The following CSMD1 variants were observed in gnomAD, a reference collection of about 807,000 sequenced individuals.
The protein encoded by CSMD1 is CUB and Sushi multiple domains 1.
In CSMD1, 213 loss-of-function variants were observed where a neutral mutation model predicts 417.5. That is an observed-to-expected ratio of 0.51 (90% CI 0.46 to 0.57). CSMD1 has a LOEUF of 0.57. CSMD1 is among the 20% of genes least tolerant of loss of function. The pLI, the probability that CSMD1 is intolerant of heterozygous loss-of-function variation, is 0.00. For synonymous variants in CSMD1, 2,862 were observed against 1,736.8 expected (o/e 1.65, Z -16.11); for missense variants, 6,923 against 4,529.7 (o/e 1.53, Z -15.17).
intron 1 of CSMD1, among the ~76,000 whole-genome samples, chr8:4,680,793 T>C (rs185302094): frequency 6.6e-6 from 1 of 152,076 alleles, no homozygotes; most frequent in South Asian, 2.1e-4. Flanking sequence ...TTGGCCAGGA[T>C]GGTCTTGATC....
rs377203535 is a variant in CSMD1 at position 4,196,278 on chromosome 8, T to C, written c.416-164179A>G. Among the ~76,000 whole-genome samples the C allele has an allele frequency of 7.2e-5, 11 of 152,270 alleles. No homozygotes were observed. The East Asian group carries it at 1.5e-3, about 21-fold the overall frequency. On this transcript the variant is annotated intron_variant, in intron 3 of 69. Transcript: ENST00000635120. ...GTGTCAAGCCACTCTTTTGTGGTCATTGAGTTTACAGAGCGCTCATTTGTT... is the reference window on the plus strand; with the variant it reads ...GTGTCAAGCCACTCTTTTGTGGTCACTGAGTTTACAGAGCGCTCATTTGTT...
intron 3 of CSMD1, among the ~76,000 whole-genome samples, chr8:4,229,505 A>G (rs373087702): frequency 3.9e-5 from 6 of 152,320 alleles, no homozygotes; most frequent in African/African-American, 9.6e-5. Context: ...TTGTCTTCAT[A>G]TAATTCTACT....
chr8:3,679,855 C>G (rs187637505), intron 7 of CSMD1, among the ~76,000 whole-genome samples: 1 of 152,302 alleles, frequency 6.6e-6, no homozygotes, highest in Non-Finnish European at 1.5e-5. Flanking sequence ...ACAGTGCAAT[C>G]AAACAAGAAC....
chr8:3,880,303 T>G (rs990785632), intron 5 of CSMD1, among the ~76,000 whole-genome samples: 1 of 152,192 alleles, frequency 6.6e-6, no homozygotes, highest in African/African-American at 2.4e-5. Flanking sequence ...TTAGATTACA[T>G]TTTTCAAAAA....
chr8:4,357,321 C>G lies in CSMD1; in HGVS notation c.415+62632G>C, dbSNP rs555007817. Among the ~76,000 whole-genome samples, 148 of 152,336 alleles carry G rather than the reference C, an allele frequency of 9.7e-4. 1 individual carries two copies. In the South Asian group the frequency reaches 0.012, roughly 12 times the overall value. ...GCTTTCTCACATTTCCTCCTGATAT[C>G]ATGCCTGTTGCGTAAGCTATTCACA... On this transcript the variant is annotated intron_variant, in intron 3 of 69. Coordinates refer to ENST00000635120, the MANE Select transcript of CSMD1 (RefSeq NM_033225.6).
intron 1 of CSMD1, among the ~76,000 whole-genome samples, chr8:4,784,543 G>A (rs929001758): frequency 6.6e-6 from 1 of 152,144 alleles, no homozygotes; most frequent in African/African-American, 2.4e-5. Context: ...AGTGTTTTAA[G>A]ATTTAGTTTT....
intron 5 of CSMD1, among the ~76,000 whole-genome samples, chr8:3,858,026 T>G (rs1480838883): frequency 6.6e-6 from 1 of 152,232 alleles, no homozygotes; most frequent in Non-Finnish European, 1.5e-5. Context: ...CATGTGTTCT[T>G]GGAAAAATTA....
At chr8:4,008,033 TTTGC>T (rs1563312356) in intron 4 of CSMD1, among the ~76,000 whole-genome samples, 1 of 152,234 alleles carries the variant, frequency 6.6e-6, no homozygotes, top group African/African-American at 2.4e-5. Flanking sequence ...GTGTTTTTGC[TTTGC>T]TTGTTTTCAG....
At chr8:4,030,529 T>C (rs577490468) in intron 4 of CSMD1, among the ~76,000 whole-genome samples, 1 of 152,284 alleles carries the variant, frequency 6.6e-6, no homozygotes, top group South Asian at 2.1e-4. Flanking sequence ...CTCTAGGCTG[T>C]ACACAGCATG....
At position 4,337,569 on chromosome 8, in the gene CSMD1, G is replaced by A. The variant is rs372350061; in HGVS notation, c.415+82384C>T. ...AACTCAGCGATGAAGTACATGTGAG[G>A]CATATCAATTCTTCAAACTCAAAAT... On this transcript the variant is annotated intron_variant, in intron 3 of 69. Transcript: ENST00000635120. 3.3e-5 allele frequency among the ~76,000 whole-genome samples: 5 copies of A among 152,058 alleles called. No homozygotes were observed. In the East Asian group the frequency reaches 5.8e-4, roughly 18 times the overall value.
intron 3 of CSMD1, among the ~76,000 whole-genome samples, chr8:4,141,864 T>C (rs1803811966): frequency 6.6e-6 from 1 of 151,068 alleles, no homozygotes; most frequent in Non-Finnish European, 1.5e-5. Context: ...ATTTAGATAT[T>C]GAGAGTACCA....
chr8:4,953,166 C>A (rs7461387), intron 1 of CSMD1, among the ~76,000 whole-genome samples: 124,177 of 152,114 alleles, frequency 0.82, 50,862 homozygotes, highest in Admixed American at 0.87. Context: ...AGAAGATACA[C>A]TCAAAGTATA....
At chr8:3,956,949 T>G (rs940997665) in intron 5 of CSMD1, among the ~76,000 whole-genome samples, 3 of 152,176 alleles carry the variant, frequency 2.0e-5, no homozygotes, top group Admixed American at 2.0e-4. Context: ...GAATATTACT[T>G]TTTCTATACG....
chr8:3,120,289 A>T (rs1817122721), intron 41 of CSMD1, among the ~76,000 whole-genome samples: 1 of 152,156 alleles, frequency 6.6e-6, no homozygotes. Context: ...CAGAATATGA[A>T]TCAGTCTGTG....
At chr8:4,061,593 G>A (rs901493396) in intron 3 of CSMD1, among the ~76,000 whole-genome samples, 5 of 152,180 alleles carry the variant, frequency 3.3e-5, no homozygotes, top group African/African-American at 1.2e-4. Context: ...GAAGTTGTCT[G>A]GTTCCAGACA....
At position 2,935,363 on chromosome 8, in the gene CSMD1, A is replaced by T. The variant is rs1441995839; in HGVS notation, c.*3222T>A. The T allele has an allele frequency of 6.6e-6, 1 of 152,190 alleles. No individual in the cohort carries two copies. The highest frequency in any genetic ancestry group is 1.9e-4 in the East Asian group (1 of 5,198). 9.4% of individuals were successfully genotyped at this position (152,190 alleles called of 1,614,324 possible). ...ATTCACACAGAAAAATAGAAATCTA[A>T]AATTAAATATTTAATTAGAACTCTG... On this transcript the variant is annotated 3_prime_UTR_variant, in exon 70 of 70. Transcript: ENST00000635120.
chr8:4,966,734 C>G (rs1809886463), intron 1 of CSMD1, among the ~76,000 whole-genome samples: 1 of 152,130 alleles, frequency 6.6e-6, no homozygotes, highest in Admixed American at 6.5e-5. Flanking sequence ...CTAAAAAGGA[C>G]TATAAAATTG....
At chr8:4,497,006 CACTT>C (rs1178337823) in intron 2 of CSMD1, among the ~76,000 whole-genome samples, 1 of 152,082 alleles carries the variant, frequency 6.6e-6, no homozygotes, top group Non-Finnish European at 1.5e-5. Context: ...TGAAAAGAAA[CACTT>C]ACAAAAATAA....
At chr8:3,872,377 C>T (rs756335129) in intron 5 of CSMD1, among the ~76,000 whole-genome samples, 61 of 152,294 alleles carry the variant, frequency 4.0e-4, no homozygotes, top group Non-Finnish European at 5.9e-4. Context: ...GATGTCCCTG[C>T]TTCAGTGACT....
Sources: allele counts gnomAD v4.1 joint callset (sites outside exome capture counted in the v4.1 genomes callset), GRCh38; gene constraint gnomAD v4.1.1; transcripts MANE v1.5; gene names NCBI Gene and HGNC (gene_info 2026-07-23, HGNC 2026-07-21).